Variants in ADGRL3 observed in about 807,000 individuals in gnomAD.
ADGRL3 encodes the protein adhesion G protein-coupled receptor L3.
A neutral mutation model predicts 153.5 loss-of-function variants in ADGRL3; 62 were observed. That is an observed-to-expected ratio of 0.40 (90% confidence interval 0.33 to 0.50). ADGRL3 has a LOEUF of 0.50. Ranked by LOEUF, ADGRL3 falls within the 20% of genes least tolerant of loss-of-function variation. The pLI is 0.47. For missense variants in ADGRL3, 1,641 were observed against 1,859.4 expected (o/e 0.88, Z 2.16); for synonymous variants, 710 against 672.5 (o/e 1.06, Z -0.86).
chr4:61,431,844 C>T (rs2097359453), intron 2 of ADGRL3, among the ~76,000 whole-genome samples: 1 of 152,138 alleles, frequency 6.6e-6, no homozygotes, highest in Non-Finnish European at 1.5e-5. Context: ...ATAATACTTC[C>T]TCTCTAAGTA....
chr4:61,778,636 G>C (rs1448879608), intron 8 of ADGRL3, among the ~76,000 whole-genome samples: 1 of 152,192 alleles, frequency 6.6e-6, no homozygotes, highest in Non-Finnish European at 1.5e-5. Context: ...GGAAGGAATA[G>C]GTGGGTATAT....
intron 13 of ADGRL3, among the ~76,000 whole-genome samples, chr4:61,916,509 A>G (rs1439638448): frequency 1.3e-5 from 2 of 152,134 alleles, no homozygotes; most frequent in African/African-American, 4.8e-5. Context: ...TATACTAGAG[A>G]AAACAAGTAA....
At chr4:61,620,757 C>T (rs970850543) in intron 5 of ADGRL3, among the ~76,000 whole-genome samples, 1 of 148,432 alleles carries the variant, frequency 6.7e-6, no homozygotes, top group African/African-American at 2.5e-5. Flanking sequence ...TCTCCTGCCT[C>T]AGCCTCCCAA....
At chr4:62,059,943 A>C (rs1161893436) in intron 25 of ADGRL3, among the ~76,000 whole-genome samples, 2 of 152,118 alleles carry the variant, frequency 1.3e-5, no homozygotes, top group Non-Finnish European at 2.9e-5. Flanking sequence ...AAAAACTGAA[A>C]AGGAAACTTA....
intron 6 of ADGRL3, among the ~76,000 whole-genome samples, chr4:61,692,573 A>T (rs1226317064): frequency 2.0e-5 from 3 of 151,390 alleles, no homozygotes; most frequent in Admixed American, 1.3e-4. Context: ...CTCCCAAGTA[A>T]CTGAGTTTAC....
At chr4:62,036,404 C>T (rs1038658964) in intron 23 of ADGRL3, among the ~76,000 whole-genome samples, 1 of 152,026 alleles carries the variant, frequency 6.6e-6, no homozygotes, top group Non-Finnish European at 1.5e-5. Flanking sequence ...GCAGGCACTC[C>T]TCTTCTATGC....
chr4:61,223,749 C>G (rs1204325184), intron 1 of ADGRL3, among the ~76,000 whole-genome samples: 1 of 152,148 alleles, frequency 6.6e-6, no homozygotes, highest in Non-Finnish European at 1.5e-5. Context: ...GTCTGCTTCC[C>G]TATGCCTTGT....
intron 2 of ADGRL3, among the ~76,000 whole-genome samples, chr4:61,459,309 C>A (rs1578984008): frequency 6.6e-6 from 1 of 151,492 alleles, no homozygotes; most frequent in Admixed American, 6.6e-5. Flanking sequence ...GCTATAGGGA[C>A]AAACAATAAA....
intron 2 of ADGRL3, among the ~76,000 whole-genome samples, chr4:61,394,712 G>A (rs1452518791): frequency 6.6e-6 from 1 of 151,972 alleles, no homozygotes; most frequent in East Asian, 1.9e-4. Context: ...GGATTGCTTG[G>A]TTTGGCTTAC....
intron 5 of ADGRL3, among the ~76,000 whole-genome samples, chr4:61,645,541 A>G (rs2093935063): frequency 6.6e-6 from 1 of 151,856 alleles, no homozygotes; most frequent in Non-Finnish European, 1.5e-5. Context: ...TCCTTCACTT[A>G]TGAAGCTTAG....
intron 4 of ADGRL3, among the ~76,000 whole-genome samples, chr4:61,522,846 C>T (rs1283232427): frequency 1.3e-5 from 2 of 152,070 alleles, no homozygotes; most frequent in Non-Finnish European, 1.5e-5. Context: ...ATTTACCAGA[C>T]GAACATGCTT....
chr4:61,993,553 A>G (rs2099111321), intron 19 of ADGRL3, among the ~76,000 whole-genome samples: 1 of 151,538 alleles, frequency 6.6e-6, no homozygotes, highest in Admixed American at 6.6e-5. Flanking sequence ...CGGCCTCCCA[A>G]AGTGTTGGGA....
intron 17 of ADGRL3, among the ~76,000 whole-genome samples, chr4:61,975,907 C>T (rs2099046234): frequency 6.6e-6 from 1 of 151,896 alleles, no homozygotes; most frequent in Non-Finnish European, 1.5e-5. Context: ...AGCAGGAGGG[C>T]AGAATAGGAT....
Position 61,424,309 on chromosome 4 carries a change from A to T in ADGRL3, c.-174+41120A>T, listed in dbSNP as rs1007802614. Among the ~76,000 whole-genome samples, 13 of 151,592 alleles carry T rather than the reference A, an allele frequency of 8.6e-5. No individual in the cohort carries two copies. In the South Asian group the frequency reaches 1.3e-3, roughly 15 times the overall value. On this transcript the variant is annotated intron_variant, in intron 2 of 26. Coordinates refer to ENST00000683033, the MANE Select transcript of ADGRL3 (RefSeq NM_001387552.1). ...CTGTAACAGATGTTTACCTTGGCCTACTCTTGACTGCCGCACAGCCATTTT... is the reference window on the plus strand; with the variant it reads ...CTGTAACAGATGTTTACCTTGGCCTTCTCTTGACTGCCGCACAGCCATTTT...
At chr4:61,827,242 A>G (rs892279221) in intron 9 of ADGRL3, among the ~76,000 whole-genome samples, 5 of 152,184 alleles carry the variant, frequency 3.3e-5, no homozygotes, top group African/African-American at 9.7e-5. Context: ...CCACACAATC[A>G]GATTCTCATG....
At chr4:61,807,356 T>C (rs1023531139) in intron 8 of ADGRL3, among the ~76,000 whole-genome samples, 1 of 151,958 alleles carries the variant, frequency 6.6e-6, no homozygotes, top group Non-Finnish European at 1.5e-5. Flanking sequence ...TTAGTTTTTT[T>C]GTAGTAATGC....
At chr4:61,923,041 C>A (rs1464001934) in intron 13 of ADGRL3, among the ~76,000 whole-genome samples, 1 of 152,048 alleles carries the variant, frequency 6.6e-6, no homozygotes, top group Non-Finnish European at 1.5e-5. Context: ...GAAGAGCATT[C>A]CAAGATCAAA....
chr4:61,603,248 T>C (rs2099019004), intron 5 of ADGRL3, among the ~76,000 whole-genome samples: 1 of 152,158 alleles, frequency 6.6e-6, no homozygotes, highest in African/African-American at 2.4e-5. Context: ...TCCAGCATTT[T>C]CCTCTGAATG....
rs538171301 is a variant in ADGRL3 at position 61,754,612 on chromosome 4, A to G, written c.1399+21058A>G. Among the ~76,000 whole-genome samples, 16 of 148,272 alleles carry G rather than the reference A, an allele frequency of 1.1e-4. No homozygotes were observed. In the South Asian group the frequency reaches 3.3e-3, roughly 31 times the overall value. On this transcript the variant is annotated intron_variant, in intron 8 of 26. Transcript: ENST00000683033. Reference sequence around the variant, plus strand: ...TGCCTAGAAAGATCTGAGTGTATATATATATATTTATTTATTATTATTATA... The same window carrying G: ...TGCCTAGAAAGATCTGAGTGTATATGTATATATTTATTTATTATTATTATA...
Sources: allele counts gnomAD v4.1 joint callset (sites outside exome capture counted in the v4.1 genomes callset), GRCh38; gene constraint gnomAD v4.1.1; transcripts MANE v1.5; gene names NCBI Gene and HGNC (gene_info 2026-07-23, HGNC 2026-07-21).